GDF9: variants seen among roughly 807,000 people sequenced by gnomAD.
The protein encoded by GDF9 is growth/differentiation factor 9.
Under a neutral mutation model 33.8 loss-of-function variants are expected in GDF9, and 30 were observed. The observed-to-expected ratio is 0.89, with a 90% CI of 0.66 to 1.20. The LOEUF (loss-of-function observed/expected upper bound fraction) is 1.20. GDF9 is among the 50% of genes most tolerant of loss of function. The probability of loss-of-function intolerance (pLI) is 0.00; values close to 1 mark genes in which losing one functional copy is unlikely to be tolerated. For synonymous variants in GDF9, 205 were observed against 200.7 expected (o/e 1.02, Z -0.18); for missense variants, 556 against 543.7 (o/e 1.02, Z -0.22).
At chr5:132,863,200 T>C (rs985450436) in intron 1 of GDF9, among the ~76,000 whole-genome samples, 2 of 152,216 alleles carry the variant, frequency 1.3e-5, no homozygotes, top group African/African-American at 4.8e-5. Context: ...TATTTTTCTC[T>C]TGGATAATCT....
In GDF9 at chr5:132,866,126, G is replaced by T. The variant is rs1759586583; in HGVS notation, c.-1593C>A. ...GTGTGTCCCTGATTTTGGTGCTGGG[G>T]TCGCTCATGGCCTGAAAATAACGAA... On this transcript the variant is annotated 5_prime_UTR_variant, in exon 1 of 2. Coordinates refer to ENST00000687138, the MANE Select transcript of GDF9 (RefSeq NM_005260.7). The T allele has an allele frequency of 6.6e-6, 1 of 152,368 alleles. No individual in the cohort carries two copies. The highest frequency in any genetic ancestry group is 1.5e-5 in the Non-Finnish European group (1 of 68,154). 9.4% of individuals were successfully genotyped at this position (152,368 alleles called of 1,614,324 possible).
At position 132,861,244 on chromosome 5, in the gene GDF9, T is replaced by C. The variant is rs747094472; in HGVS notation, c.*345A>G. The C allele has an allele frequency of 5.4e-5, 14 of 258,822 alleles. No individual in the cohort carries two copies. Among genetic ancestry groups the C allele is most frequent in the Admixed American group, 2.5e-4 (5 of 19,614 alleles). 16.0% of individuals were successfully genotyped at this position (258,822 alleles called of 1,614,324 possible). ...TACAGCAATCTGAATTGCCTATTTA[T>C]AGCTGCAAGTCCATCCAGGATTGAT... On this transcript the variant is annotated 3_prime_UTR_variant, in exon 2 of 2. Transcript: ENST00000687138.
In GDF9 at chr5:132,865,268, T is replaced by G. The variant is rs1759531707; in HGVS notation, c.-735A>C. 1 of 152,396 alleles carries G rather than the reference T, an allele frequency of 6.6e-6. No individual in the cohort carries two copies. The highest frequency in any genetic ancestry group is 2.4e-5 in the African/African-American group (1 of 41,472). 9.4% of individuals were successfully genotyped at this position (152,396 alleles called of 1,614,324 possible). On this transcript the variant is annotated 5_prime_UTR_variant, in exon 1 of 2. Transcript: ENST00000687138. ...AGAGGACACCGCCTTTAACCTTGAC[T>G]TATTTTTAAATGTAACATACTGATG...
chr5:132,863,091 T>G lies in GDF9; in HGVS notation c.398-535A>C, dbSNP rs1259427026. On this transcript the variant is annotated intron_variant, in intron 1 of 1. Transcript: ENST00000687138. ...ATCCTCTCACCTCAACCTCCCAAAGTGCTGGGATCACAGGCATGAGCCACT... is the reference window on the plus strand; with the variant it reads ...ATCCTCTCACCTCAACCTCCCAAAGGGCTGGGATCACAGGCATGAGCCACT... 2.0e-5 allele frequency among the ~76,000 whole-genome samples: 3 copies of G among 152,198 alleles called. No homozygotes were observed. The East Asian group carries it at 5.8e-4, about 29-fold the overall frequency.
rs1759294947 is a variant in GDF9 at position 132,862,131 on chromosome 5, A to G, written c.823T>C (p.Tyr275His). 6 of 1,613,242 alleles carry G rather than the reference A, an allele frequency of 3.7e-6. No individual in the cohort carries two copies. The highest frequency in any genetic ancestry group is 5.1e-6 in the Non-Finnish European group (6 of 1,179,166). ...LYLNDTSAQA[Y>H]HSWYSLHYKR... ...TAGTGAAGGGAATACCAGCTGTGATAAGCCTGAGCACTTGTGTCATTCAAA... is the reference window on the plus strand; with the variant it reads ...TAGTGAAGGGAATACCAGCTGTGATGAGCCTGAGCACTTGTGTCATTCAAA... Residue 275 changes from tyrosine to histidine, a missense_variant, in exon 2 of 2, where the codon TAT becomes CAT. By Grantham distance (83) the Tyr-to-His change is moderately conservative (BLOSUM62 2). Transcript: ENST00000687138.
chr5:132,861,544 T>C lies in GDF9; in HGVS notation c.*45A>G, dbSNP rs1227156279. 4 of 1,555,274 alleles carry C rather than the reference T, an allele frequency of 2.6e-6. No homozygotes were observed. The highest frequency in any genetic ancestry group is 4.5e-5 in the East Asian group (2 of 44,658). On this transcript the variant is annotated 3_prime_UTR_variant, in exon 2 of 2. Transcript: ENST00000687138. Reference sequence around the variant, plus strand: ...CTTGAAGGCACACATAGGCACACAGTAGTTACTTTGCCAAATAGGCTCAAG... The same window carrying C: ...CTTGAAGGCACACATAGGCACACAGCAGTTACTTTGCCAAATAGGCTCAAG...
rs767789846 is a variant in GDF9 at position 132,862,269 on chromosome 5, T to C, written c.685A>G (p.Arg229Gly). Residue 229 changes from arginine (R) to glycine (G), a missense_variant, in exon 2 of 2, where the codon AGA becomes GGA. Arg to Gly is a moderately radical substitution (Grantham distance 125, BLOSUM62 -2). Transcript: ENST00000687138. ...LLQPLVASNK[R>G]SIHMSINFTC... ...AAATTTATAGACATGTGAATACTTCTCTTGTTGGAGGCCACTAAAGGTTGA... is the reference window on the plus strand; with the variant it reads ...AAATTTATAGACATGTGAATACTTCCCTTGTTGGAGGCCACTAAAGGTTGA... The C allele has an allele frequency of 2.5e-6, 4 of 1,613,798 alleles. No individual in the cohort carries two copies. The highest frequency in any genetic ancestry group is 1.7e-5 in the Admixed American group (1 of 60,028).
chr5:132,861,964 C>T lies in GDF9; in HGVS notation c.990G>A (p.Lys330=). The T allele has an allele frequency of 6.2e-7, 1 of 1,614,124 alleles. No individual in the cohort carries two copies. The highest frequency in any genetic ancestry group is 1.1e-5 in the South Asian group (1 of 91,068). Residue 330 remains lysine, a synonymous_variant, in exon 2 of 2, where the codon AAG becomes AAA. Transcript: ENST00000687138. Reference sequence around the variant, plus strand: ...GATTGAAGGAAGCTGGGCCCAAGGGCTTCTTCAATTCAGAACTGACAGTTT... The same window carrying T: ...GATTGAAGGAAGCTGGGCCCAAGGGTTTCTTCAATTCAGAACTGACAGTTT... The part of the protein sequence containing the change: ...GQETVSSELK[K]PLGPASFNLS...
intron 1 of GDF9, 134 bp from the exon 2 acceptor site, chr5:132,862,690 A>C (rs898154586): frequency 1.4e-6 from 1 of 694,912 alleles, no homozygotes; most frequent in Non-Finnish European, 2.4e-6. Context: ...TCAAAAAAAA[A>C]AATGGGGGTT....
Position 132,864,798 on chromosome 5 carries a change from C to A in GDF9, c.-265G>T. 2.0e-6 allele frequency: 1 copy of A among 492,480 alleles called. No homozygotes were observed. The highest frequency in any genetic ancestry group is 2.6e-5 in the South Asian group (1 of 37,976). 30.5% of individuals were successfully genotyped at this position (492,480 alleles called of 1,614,324 possible). On this transcript the variant is annotated 5_prime_UTR_variant, in exon 1 of 2. Coordinates refer to ENST00000687138, the MANE Select transcript of GDF9 (RefSeq NM_005260.7). Reference sequence around the variant, plus strand: ...TTCCTCTCTTTTCCCCTGGCATTTACGTAAAACCCGTTACTGTTACACTAC... The same window carrying A: ...TTCCTCTCTTTTCCCCTGGCATTTAAGTAAAACCCGTTACTGTTACACTAC...
At position 132,864,553 on chromosome 5, in the gene GDF9, G is replaced by A. The variant is rs751671061; in HGVS notation, c.-20C>T. 6 of 1,601,190 alleles carry A rather than the reference G, an allele frequency of 3.7e-6. No homozygotes were observed. The highest frequency in any genetic ancestry group is 1.7e-5 in the Admixed American group (1 of 59,994). The stretch of plus-strand genomic sequence containing the variant: ...TGCCATGGCTTGGGAGAACTAGTGA[G>A]GAACATATTTCTCCATGCCAGTCCT... On this transcript the variant is annotated 5_prime_UTR_variant, in exon 1 of 2. Transcript: ENST00000687138.
chr5:132,864,472 A>G lies in GDF9; in HGVS notation c.62T>C (p.Ile21Thr). 6.2e-7 allele frequency: 1 copy of G among 1,613,674 alleles called. No individual in the cohort carries two copies. Among genetic ancestry groups the G allele is most frequent in the Non-Finnish European group, 8.5e-7 (1 of 1,179,990 alleles). Residue 21 changes from isoleucine to threonine, a missense_variant, in exon 1 of 2, where the codon ATT (isoleucine) becomes ACT (threonine). Physicochemically the swap from Ile to Thr is moderately conservative, Grantham distance 89 (BLOSUM62 -1). Transcript: ENST00000687138. ...CCCAGAAGCCTGAGAACCAAGGCTA[A>G]TAGGAAAACACAGCCAGGCAAAGCA... ...FCCFAWLCFPISLGSQASGGE... is the reference protein window; with the variant it reads ...FCCFAWLCFPTSLGSQASGGE...
chr5:132,861,506 T>C lies in GDF9; in HGVS notation c.*83A>G. On this transcript the variant is annotated 3_prime_UTR_variant, in exon 2 of 2. Transcript: ENST00000687138. ...ATATGCTACATTTAGAGACTTAATA[T>C]ATGAAGCTTTCTCTTGAAGGCACAC... The C allele has an allele frequency of 2.6e-6, 3 of 1,145,008 alleles. No homozygotes were observed. The highest frequency in any genetic ancestry group is 1.2e-5 in the South Asian group (1 of 80,818). 70.9% of individuals were successfully genotyped at this position (1,145,008 alleles called of 1,614,324 possible). A position where few individuals can be genotyped will look rare whatever the true frequency, so the allele number is the denominator to read the frequency against.
rs1372987136 is a variant in GDF9 at position 132,865,802 on chromosome 5, T to C, written c.-1269A>G. On this transcript the variant is annotated 5_prime_UTR_variant, in exon 1 of 2. It removes an upstream start codon present in the reference 5' UTR. Transcript: ENST00000687138. ...AAGACACCTCAGGGCGAGCTGTACA[T>C]TGACAACAGCATCGTCAAGCAGAAT... Among the ~76,000 whole-genome samples the C allele has an allele frequency of 6.6e-6, 1 of 152,040 alleles. No individual in the cohort carries two copies. Among genetic ancestry groups the C allele is most frequent in the Non-Finnish European group, 1.5e-5 (1 of 68,022 alleles).
At position 132,862,300 on chromosome 5, in the gene GDF9, G is replaced by A. The variant is rs753755902; in HGVS notation, c.654C>T (p.Ser218=). 12 of 1,613,926 alleles carry A rather than the reference G, an allele frequency of 7.4e-6. No individual in the cohort carries two copies. In the African/African-American group the frequency reaches 8.0e-5, roughly 11 times the overall value. Residue 218 remains serine (S), a synonymous_variant, in exon 2 of 2, where the codon AGC becomes AGT. Coordinates refer to ENST00000687138, the MANE Select transcript of GDF9 (RefSeq NM_005260.7). Reference sequence around the variant, plus strand: ...TGGAGGCCACTAAAGGTTGAAGGAGGCTGGTCACATCAATCTGAATCCATT... The same window carrying A: ...TGGAGGCCACTAAAGGTTGAAGGAGACTGGTCACATCAATCTGAATCCATT... The part of the protein sequence containing the change: ...KHKWIQIDVT[S]LLQPLVASNK...
intron 1 of GDF9, 69 bp from the exon 2 acceptor site, chr5:132,862,625 A>G (rs144290751): frequency 6.1e-4 from 698 of 1,147,898 alleles, no homozygotes; most frequent in African/African-American, 5.9e-3. Flanking sequence ...CAAGTCAAAG[A>G]ATTAGTACTT....
intron 1 of GDF9, among the ~76,000 whole-genome samples, chr5:132,863,729 G>A (rs145878757): frequency 3.2e-4 from 49 of 152,256 alleles, no homozygotes; most frequent in African/African-American, 1.1e-3. Flanking sequence ...TGTTCAAAAC[G>A]GGAACTTTAA....
chr5:132,866,261 C>G lies in GDF9; in HGVS notation c.-1728G>C, dbSNP rs1227396849. 1 of 155,670 alleles carries G rather than the reference C, an allele frequency of 6.4e-6. No homozygotes were observed. Among genetic ancestry groups the G allele is most frequent in the Non-Finnish European group, 1.4e-5 (1 of 70,082 alleles). 9.6% of individuals were successfully genotyped at this position (155,670 alleles called of 1,614,324 possible). A position where few individuals can be genotyped will look rare whatever the true frequency, so the allele number is the denominator to read the frequency against. On this transcript the variant is annotated 5_prime_UTR_variant, in exon 1 of 2. Coordinates refer to ENST00000687138, the MANE Select transcript of GDF9 (RefSeq NM_005260.7). ...CTCTGTCTACAGCTGGGAAGACTCG[C>G]AGGCCCCAAGCTCCTGGCCAGCGCT... is the stretch of plus-strand genomic sequence containing the variant.
chr5:132,861,562 G>A lies in GDF9; in HGVS notation c.*27C>T, dbSNP rs750270710. ...CACACAGTAGTTACTTTGCCAAATA[G>A]GCTCAAGGTTTTAAGAGGACCATTT... is the stretch of plus-strand genomic sequence containing the variant. On this transcript the variant is annotated 3_prime_UTR_variant, in exon 2 of 2. Coordinates refer to ENST00000687138, the MANE Select transcript of GDF9 (RefSeq NM_005260.7). The A allele has an allele frequency of 3.7e-6, 6 of 1,607,682 alleles. No homozygotes were observed. The East Asian group carries it at 1.3e-4, about 36-fold the overall frequency.
Sources: allele counts gnomAD v4.1 joint callset (sites outside exome capture counted in the v4.1 genomes callset), GRCh38; gene constraint gnomAD v4.1.1; transcripts MANE v1.5; gene names NCBI Gene and HGNC (gene_info 2026-07-23, HGNC 2026-07-21).